Variants in BNIP3L observed in about 807,000 individuals in gnomAD.
BNIP3L encodes the protein BCL2/adenovirus E1B 19 kDa protein-interacting protein 3-like.
A neutral mutation model predicts 25.5 loss-of-function variants in BNIP3L; 10 were observed. The observed-to-expected ratio is 0.39, with a 90% CI of 0.24 to 0.67. The LOEUF is 0.67. BNIP3L is among the 30% of genes least tolerant of loss of function. The probability of loss-of-function intolerance (pLI) is 0.45; values close to 1 mark genes in which losing one functional copy is unlikely to be tolerated. For synonymous variants in BNIP3L, 113 were observed against 101.2 expected, an observed-to-expected ratio of 1.12 and a Z score of -0.70; for missense variants, 215 against 270.9, an observed-to-expected ratio of 0.79 and a Z score of 1.45.
At chr8:26,388,626 T>G (rs1806041044) in intron 1 of BNIP3L, among the ~76,000 whole-genome samples, 1 of 152,146 alleles carries the variant, frequency 6.6e-6, no homozygotes, top group African/African-American at 2.4e-5. Context: ...TGCTTATGTG[T>G]TTTTAATGAA....
chr8:26,413,058 A>G lies in BNIP3L; in HGVS notation c.*2646A>G, dbSNP rs1414847063. ...TTTAGTTAGCACTTTGTATCGTTATATACAGTTTACAATACATGTATAACT... is the reference window on the plus strand; with the variant it reads ...TTTAGTTAGCACTTTGTATCGTTATGTACAGTTTACAATACATGTATAACT... On this transcript the variant is annotated 3_prime_UTR_variant, in exon 6 of 6. Coordinates refer to ENST00000380629, the MANE Select transcript of BNIP3L (RefSeq NM_004331.3). The surrounding 1 kb of genome is among the most constrained non-coding windows in gnomAD (Gnocchi z 5.2). 1 of 152,674 alleles carries G rather than the reference A, an allele frequency of 6.5e-6. No individual in the cohort carries two copies. Among genetic ancestry groups the G allele is most frequent in the African/African-American group, 2.4e-5 (1 of 41,464 alleles). 9.5% of individuals were successfully genotyped at this position (152,674 alleles called of 1,614,324 possible). A position where few individuals can be genotyped will look rare whatever the true frequency, so the allele number is the denominator to read the frequency against.
In BNIP3L at chr8:26,383,157, G is replaced by A. The variant is rs745888569; in HGVS notation, c.27G>A (p.Pro9=). 1.9e-6 allele frequency: 3 copies of A among 1,612,108 alleles called. No homozygotes were observed. The highest frequency in any genetic ancestry group is 1.1e-5 in the South Asian group (1 of 91,012). MSSHLVEP[P]PPLHNNNNNC... is the part of the protein sequence containing the mutation. ...TGTCGTCCCACCTAGTCGAGCCGCC[G>A]CCGCCCCTGCACAACAACAACAACA... Residue 9 remains proline, a synonymous_variant, in exon 1 of 6, where the codon CCG becomes CCA. Transcript: ENST00000380629.
At chr8:26,395,451 T>A in intron 3 of BNIP3L, 149 bp downstream of exon 3, 3 of 889,254 alleles carry the variant, frequency 3.4e-6, no homozygotes, top group South Asian at 1.9e-5. Flanking sequence ...TAGGATGATA[T>A]AGTTCTTGTC....
chr8:26,383,921 G>A (rs1407698761), intron 1 of BNIP3L, among the ~76,000 whole-genome samples: 1 of 150,348 alleles, frequency 6.7e-6, no homozygotes, highest in Non-Finnish European at 1.5e-5. Context: ...AAAGCGATGG[G>A]TTGTGCGCCC....
At chr8:26,391,657 A>G (rs537537170) in intron 2 of BNIP3L, among the ~76,000 whole-genome samples, 9 of 152,240 alleles carry the variant, frequency 5.9e-5, no homozygotes, top group African/African-American at 2.2e-4. Context: ...TCTTACCCAG[A>G]TTATATTGTT....
At chr8:26,388,807 C>CTAAA (rs3837185) in intron 1 of BNIP3L, among the ~76,000 whole-genome samples, 22,408 of 143,820 alleles carry the variant, frequency 0.16, 2,506 homozygotes, top group East Asian at 0.49. Context: ...CCTGTCTCTA[C>CTAAA]TAAATAAATA....
In BNIP3L at chr8:26,407,176, T is replaced by TG. The variant is rs1806519530; in HGVS notation, c.358-824_358-823insG. Among the ~76,000 whole-genome samples, 3 of 150,126 alleles carry TG rather than the reference T, an allele frequency of 2.0e-5. No individual in the cohort carries two copies. The South Asian group carries it at 6.4e-4, about 32-fold the overall frequency. ...GCCCGCCACCATGCCCGGCTAATTT[T>TG]TTTTTGTTTTGTTTTGTTTTGTTTT... On this transcript the variant is annotated intron_variant, in intron 3 of 5. Transcript: ENST00000380629.
chr8:26,409,783 T>G (rs1288971089), intron 5 of BNIP3L, among the ~76,000 whole-genome samples: 1 of 152,216 alleles, frequency 6.6e-6, no homozygotes, highest in African/African-American at 2.4e-5. Context: ...TTAATTGCAC[T>G]GGAGGTGAAG....
chr8:26,383,917 A>G (rs1355621663), intron 1 of BNIP3L, among the ~76,000 whole-genome samples: 1 of 148,642 alleles, frequency 6.7e-6, no homozygotes, highest in African/African-American at 2.5e-5. Context: ...TTTTAAAGCG[A>G]TGGGTTGTGC....
rs939079287 is a variant in BNIP3L, at chr8:26,410,484, T to G, written c.*72T>G. On this transcript the variant is annotated 3_prime_UTR_variant, in exon 6 of 6. Coordinates refer to ENST00000380629, the MANE Select transcript of BNIP3L (RefSeq NM_004331.3). ...TATTGTCACAGTAGCTTATTTGAACTTGAGACCATTGTAAGCATGACCCAA... is the reference window on the plus strand; with the variant it reads ...TATTGTCACAGTAGCTTATTTGAACGTGAGACCATTGTAAGCATGACCCAA... 1 of 1,566,202 alleles carries G rather than the reference T, an allele frequency of 6.4e-7. No homozygotes were observed. The highest frequency in any genetic ancestry group is 1.4e-5 in the African/African-American group (1 of 73,840).
intron 5 of BNIP3L, among the ~76,000 whole-genome samples, chr8:26,410,116 T>A (rs1806588633): frequency 1.3e-5 from 2 of 152,176 alleles, no homozygotes; most frequent in Non-Finnish European, 2.9e-5. Flanking sequence ...CTTTGTCTAA[T>A]CACTACCCCT....
intron 1 of BNIP3L, among the ~76,000 whole-genome samples, chr8:26,386,489 C>T (rs1227476505): frequency 1.3e-5 from 2 of 151,974 alleles, no homozygotes; most frequent in Non-Finnish European, 2.9e-5. Context: ...AACTGGAGTG[C>T]AGTGGTACAG....
intron 5 of BNIP3L, among the ~76,000 whole-genome samples, chr8:26,409,457 C>T (rs1323328307): frequency 6.6e-6 from 1 of 152,178 alleles, no homozygotes; most frequent in Non-Finnish European, 1.5e-5. Flanking sequence ...AACTTGCATA[C>T]AGCTTTCCAC....
At chr8:26,400,392 T>TA (rs1203015581) in intron 3 of BNIP3L, among the ~76,000 whole-genome samples, 19 of 115,054 alleles carry the variant, frequency 1.7e-4, no homozygotes, top group Admixed American at 1.2e-3. Flanking sequence ...ATCCCTTCCT[T>TA]ACACCTTATA....
chr8:26,401,895 CCTTTAA>C (rs1180464646), intron 3 of BNIP3L, among the ~76,000 whole-genome samples: 2 of 152,094 alleles, frequency 1.3e-5, no homozygotes, highest in Non-Finnish European at 2.9e-5. Context: ...TCATAGCCAG[CCTTTAA>C]CTTTATTGAT....
chr8:26,410,143 A>G (rs1161936712), intron 5 of BNIP3L, among the ~76,000 whole-genome samples: 1 of 152,102 alleles, frequency 6.6e-6, no homozygotes, highest in African/African-American at 2.4e-5. Context: ...TCGAGCCCCG[A>G]TATTTAATGA....
chr8:26,408,177 C>T, intron 4 of BNIP3L, 50 bp from the exon 5 acceptor site: 1 of 1,611,538 alleles, frequency 6.2e-7, no homozygotes, highest in Non-Finnish European at 8.5e-7. Context: ...GCCTGGTAAT[C>T]CCCACGATAT....
intron 1 of BNIP3L, chr8:26,390,590 T>G (rs1339799143): frequency 1.0e-6 from 1 of 964,000 alleles, no homozygotes; most frequent in African/African-American, 1.8e-5. Flanking sequence ...AACTAATCAG[T>G]GAGATAGAGA....
intron 2 of BNIP3L, 136 bp downstream of exon 2, chr8:26,391,562 T>TCTG: frequency 1.5e-6 from 1 of 673,242 alleles, no homozygotes; most frequent in Non-Finnish European, 2.2e-6. Context: ...ATAATATATA[T>TCTG]TGCACAGATA....
Sources: gnomAD v4.1 joint callset for allele counts (sites outside exome capture counted in the v4.1 genomes callset) on GRCh38, gnomAD v4.1.1 for gene constraint, Gnocchi (gnomAD v3.1) non-coding constraint, MANE v1.5 for transcripts, NCBI Gene and HGNC (gene_info 2026-07-23, HGNC 2026-07-21) for gene names.